Variants in NLRP11 observed in about 807,000 individuals in gnomAD.
The protein encoded by NLRP11 is NACHT, LRR and PYD domains-containing protein 11.
A neutral mutation model predicts 79.3 loss-of-function variants in NLRP11; 53 were observed. That is an observed-to-expected ratio of 0.67 (90% confidence interval 0.54 to 0.84). The LOEUF is 0.84. NLRP11 is among the 40% of genes least tolerant of loss of function. The pLI is 0.00. For synonymous variants in NLRP11, 518 were observed against 462.6 expected (o/e 1.12, Z -1.54); for missense variants, 1,264 against 1,255.0 (o/e 1.01, Z -0.11).
At chr19:55,790,863 G>T (rs1295955381) in intron 7 of NLRP11, among the ~76,000 whole-genome samples, 2 of 152,144 alleles carry the variant, frequency 1.3e-5, no homozygotes, top group Non-Finnish European at 2.9e-5. Context: ...GAAAATAAAG[G>T]GTGATCAATA....
intron 7 of NLRP11, among the ~76,000 whole-genome samples, chr19:55,792,055 G>T (rs1307495558): frequency 6.6e-6 from 1 of 152,156 alleles, no homozygotes; most frequent in East Asian, 1.9e-4. Flanking sequence ...GAGGGGTCCG[G>T]CCCAGGCACC....
intron 4 of NLRP11, among the ~76,000 whole-genome samples, chr19:55,803,788 C>A (rs1979715239): frequency 6.6e-6 from 1 of 151,732 alleles, no homozygotes; most frequent in African/African-American, 2.4e-5. Flanking sequence ...ATTTAAGAAT[C>A]AAAAAATAAC....
intron 9 of NLRP11, among the ~76,000 whole-genome samples, chr19:55,786,676 C>A (rs1989898621): frequency 6.6e-6 from 1 of 152,120 alleles, no homozygotes; most frequent in Admixed American, 6.5e-5. Context: ...GGCACAAATA[C>A]CTTTATAACC....
At chr19:55,801,633 T>G (rs1000834710) in exon 5 of NLRP11, 4 of 1,613,928 alleles carry the variant, frequency 2.5e-6, no homozygotes, top group Non-Finnish European at 3.4e-6. Context: ...GAAAACATAT[T>G]TAGGGAAATG....
upstream of NLRP11, among the ~76,000 whole-genome samples, chr19:55,833,884 G>C (rs761899780): frequency 6.7e-6 from 1 of 148,510 alleles, no homozygotes; most frequent in East Asian, 2.0e-4. Context: ...GTTTATAACA[G>C]ATTTCTGGGC....
At chr19:55,827,808 A>C (rs201306994) in intron 1 of NLRP11, among the ~76,000 whole-genome samples, 3,640 of 146,412 alleles carry the variant, frequency 0.025, 85 homozygotes, top group East Asian at 0.11. Flanking sequence ...ACACTTTTAC[A>C]CTGTTGGTGG....
intron 8 of NLRP11, 99 bp downstream of exon 8, chr19:55,789,130 T>TTA (rs1990084894): frequency 7.1e-7 from 1 of 1,409,368 alleles, no homozygotes; most frequent in Admixed American, 2.0e-5. Flanking sequence ...CACTAGACTA[T>TTA]TATGTCCGAG....
At chr19:55,795,241 A>G (rs978683543) in intron 6 of NLRP11, among the ~76,000 whole-genome samples, 10 of 152,144 alleles carry the variant, frequency 6.6e-5, no homozygotes, top group African/African-American at 2.4e-4. Context: ...AGTAACCCAC[A>G]GTCGGTTACA....
intron 1 of NLRP11, among the ~76,000 whole-genome samples, chr19:55,823,422 T>A (rs1285698754): frequency 7.2e-6 from 1 of 139,708 alleles, no homozygotes; most frequent in Non-Finnish European, 1.5e-5. Context: ...AGAATGACTT[T>A]GAGGAGCTGA....
exon 8 of NLRP11, chr19:55,789,245 T>A (rs769358144): frequency 1.2e-6 from 2 of 1,611,994 alleles, no homozygotes; most frequent in East Asian, 4.5e-5. Flanking sequence ...TTCACCAACA[T>A]GCAGTTGGGA....
intron 1 of NLRP11, among the ~76,000 whole-genome samples, chr19:55,822,237 C>T (rs1415141723): frequency 6.6e-6 from 1 of 151,688 alleles, no homozygotes; most frequent in Admixed American, 6.6e-5. Flanking sequence ...GCACCCCAGC[C>T]TGGGAAACAG....
At chr19:55,802,447 A>C (rs1475767522) in intron 4 of NLRP11, among the ~76,000 whole-genome samples, 1 of 152,246 alleles carries the variant, frequency 6.6e-6, no homozygotes, top group Non-Finnish European at 1.5e-5. Flanking sequence ...ATACCTAGGA[A>C]TACAGCTAAC....
chr19:55,814,254 C>T (rs1264737152), intron 2 of NLRP11, among the ~76,000 whole-genome samples: 1 of 152,126 alleles, frequency 6.6e-6, no homozygotes, highest in African/African-American at 2.4e-5. Context: ...CCATCACCCC[C>T]CAATGGGACT....
At chr19:55,799,115 A>C (rs1979226656) in intron 5 of NLRP11, among the ~76,000 whole-genome samples, 1 of 149,684 alleles carries the variant, frequency 6.7e-6, no homozygotes, top group Admixed American at 6.7e-5. Flanking sequence ...AAAAATATAA[A>C]AGTTAGCTGG....
chr19:55,793,515 C>T (rs1916181558), intron 6 of NLRP11, among the ~76,000 whole-genome samples: 1 of 126,402 alleles, frequency 7.9e-6, no homozygotes, highest in Admixed American at 1.1e-4. Context: ...TTGAAGTGAG[C>T]CGAGATTGCA....
intron 1 of NLRP11, among the ~76,000 whole-genome samples, chr19:55,827,964 C>G: frequency 6.6e-6 from 1 of 151,850 alleles, no homozygotes; most frequent in East Asian, 1.9e-4. Flanking sequence ...GACACATGCA[C>G]AAGTATGTTT....
At chr19:55,801,625 A>G (rs780805614) in exon 5 of NLRP11, 9 of 1,614,050 alleles carry the variant, frequency 5.6e-6, no homozygotes, top group Non-Finnish European at 6.8e-6. Context: ...GCAGAAGTGA[A>G]AACATATTTA....
chr19:55,834,752 T>C (rs1011095495), upstream of NLRP11, among the ~76,000 whole-genome samples: 2 of 152,174 alleles, frequency 1.3e-5, no homozygotes, highest in African/African-American at 4.8e-5. Context: ...GACCTAGTCA[T>C]ACATTTAAAT....
At chr19:55,798,275 GGCGTGAGCCGTC>G (rs1237690056) in intron 5 of NLRP11, 17 of 973,666 alleles carry the variant, frequency 1.7e-5, no homozygotes, top group Middle Eastern at 5.2e-4. Flanking sequence ...TGGGATTCCA[GGCGTGAGCCGTC>G]GCGTTGGCCT....
Sources: allele counts gnomAD v4.1 joint callset (sites outside exome capture counted in the v4.1 genomes callset), GRCh38; gene constraint gnomAD v4.1.1; transcripts MANE v1.5; gene names NCBI Gene and HGNC (gene_info 2026-07-23, HGNC 2026-07-21).